PRKN: variants seen among roughly 807,000 people sequenced by gnomAD.
The protein encoded by PRKN is E3 ubiquitin-protein ligase parkin.
PRKN carries 56 observed loss-of-function variants against 59.5 expected under a neutral mutation model. The ratio of observed to expected loss-of-function variants is 0.94; its 90% CI spans 0.76 to 1.18. The LOEUF is 1.18. Ranked by LOEUF, PRKN falls within the 50% of genes most tolerant of loss-of-function variation. The pLI is 0.00. For missense variants in PRKN, 657 were observed against 596.4 expected, an observed-to-expected ratio of 1.10 and a Z score of -1.06; for synonymous variants, 250 against 222.1, an observed-to-expected ratio of 1.13 and a Z score of -1.12.
At chr6:161,418,029 C>A (rs113777089) in intron 9 of PRKN, among the ~76,000 whole-genome samples, 1 of 152,198 alleles carries the variant, frequency 6.6e-6, no homozygotes, top group Non-Finnish European at 1.5e-5. Flanking sequence ...AGTATCACAG[C>A]GCAGGGCTCT....
At chr6:161,998,866 G>A (rs1025783963) in intron 5 of PRKN, among the ~76,000 whole-genome samples, 1 of 152,076 alleles carries the variant, frequency 6.6e-6, no homozygotes, top group African/African-American at 2.4e-5. Flanking sequence ...TCATACTGTG[G>A]AAATAAGTAA....
chr6:162,445,931 T>C (rs905947388), intron 1 of PRKN, among the ~76,000 whole-genome samples: 2 of 151,882 alleles, frequency 1.3e-5, no homozygotes, highest in African/African-American at 4.8e-5. Context: ...GTGGTCCAGA[T>C]GGCACCACAA....
chr6:161,570,146 A>AAAAAAATAT (rs869285771), intron 7 of PRKN, among the ~76,000 whole-genome samples: 25 of 76,572 alleles, frequency 3.3e-4, no homozygotes, highest in African/African-American at 1.6e-3. Context: ...AAAAAAAAAA[A>AAAAAAATAT]ATATATATAT....
chr6:162,276,645 C>A (rs1051691761), intron 2 of PRKN, among the ~76,000 whole-genome samples: 1 of 151,772 alleles, frequency 6.6e-6, no homozygotes, highest in Non-Finnish European at 1.5e-5. Context: ...TATTCACTAT[C>A]TTTTTGTTTG....
intron 7 of PRKN, among the ~76,000 whole-genome samples, chr6:161,632,291 G>A (rs1783343905): frequency 6.6e-6 from 1 of 152,098 alleles, no homozygotes; most frequent in Admixed American, 6.5e-5. Context: ...TTAATTGCAA[G>A]GGTTATTCTA....
chr6:162,223,180 ACATGAACT>A (rs1778011307), intron 3 of PRKN, among the ~76,000 whole-genome samples: 1 of 152,054 alleles, frequency 6.6e-6, no homozygotes, highest in Non-Finnish European at 1.5e-5. Flanking sequence ...CCTACAAAGG[ACATGAACT>A]CATCATTTTT....
At chr6:161,427,356 C>T (rs1788418336) in intron 9 of PRKN, among the ~76,000 whole-genome samples, 1 of 152,124 alleles carries the variant, frequency 6.6e-6, no homozygotes, top group Admixed American at 6.5e-5. Context: ...GCCACCCTAA[C>T]TGGTAGGTAC....
chr6:162,169,052 A>G (rs188894838), intron 4 of PRKN, among the ~76,000 whole-genome samples: 11 of 152,294 alleles, frequency 7.2e-5, no homozygotes, highest in Admixed American at 2.6e-4. Flanking sequence ...CAAACACTCA[A>G]GTGTCCAAAC....
At chr6:161,424,901 A>T (rs1486118961) in intron 9 of PRKN, among the ~76,000 whole-genome samples, 1 of 152,156 alleles carries the variant, frequency 6.6e-6, no homozygotes, top group African/African-American at 2.4e-5. Context: ...ACGATGTGGG[A>T]AGAACTTCCT....
intron 1 of PRKN, among the ~76,000 whole-genome samples, chr6:162,466,376 C>T (rs1791415890): frequency 6.6e-6 from 1 of 152,054 alleles, no homozygotes; most frequent in African/African-American, 2.4e-5. Context: ...ATATTATTAA[C>T]TTTGAATAGA....
chr6:161,900,232 T>G (rs1300725959), intron 6 of PRKN, among the ~76,000 whole-genome samples: 1 of 151,326 alleles, frequency 6.6e-6, no homozygotes, highest in Non-Finnish European at 1.5e-5. Flanking sequence ...CTGGAACTGA[T>G]AGCATGTAAA....
At chr6:161,614,784 C>A (rs1260453742) in intron 7 of PRKN, among the ~76,000 whole-genome samples, 4 of 152,298 alleles carry the variant, frequency 2.6e-5, no homozygotes, top group Admixed American at 1.3e-4. Context: ...CAAACAAAAT[C>A]TTCGCTTAAT....
intron 4 of PRKN, among the ~76,000 whole-genome samples, chr6:162,089,152 AT>A (rs1223713064): frequency 3.3e-5 from 5 of 152,206 alleles, no homozygotes; most frequent in Admixed American, 3.3e-4. Context: ...CACATATGTC[AT>A]AAAAAACCTC....
Position 161,414,091 on chromosome 6 carries a change from G to C in PRKN, c.1084-27214C>G, listed in dbSNP as rs1413599420. Among the ~76,000 whole-genome samples, 1 of 152,138 alleles carries C rather than the reference G, an allele frequency of 6.6e-6. No homozygotes were observed. Among genetic ancestry groups the C allele is most frequent in the Non-Finnish European group, 1.5e-5 (1 of 68,040 alleles). The stretch of plus-strand genomic sequence containing the variant: ...GAGGGTCAGTGAGGGCAGGGTACTG[G>C]TGTCATTTTAATTCAGACTTCTCTC... On this transcript the variant is annotated intron_variant, in intron 9 of 11. Coordinates refer to ENST00000366898, the MANE Select transcript of PRKN (RefSeq NM_004562.3). This position sits in a 1 kb window ranked among gnomAD's most constrained non-coding sequence, Gnocchi z 5.3.
intron 9 of PRKN, among the ~76,000 whole-genome samples, chr6:161,427,275 C>T (rs1443432205): frequency 3.3e-5 from 5 of 152,176 alleles, no homozygotes; most frequent in African/African-American, 4.8e-5. Flanking sequence ...TCCCAAAATG[C>T]TGGGATATTA....
At chr6:161,979,798 A>T (rs1022839694) in intron 5 of PRKN, among the ~76,000 whole-genome samples, 1 of 152,152 alleles carries the variant, frequency 6.6e-6, no homozygotes, top group African/African-American at 2.4e-5. Context: ...ACCAGGGGAG[A>T]AGAGCAGGAA....
chr6:162,493,295 G>A (rs1006868131), intron 1 of PRKN, among the ~76,000 whole-genome samples: 4 of 152,170 alleles, frequency 2.6e-5, no homozygotes, highest in Non-Finnish European at 4.4e-5. Context: ...CTTCCTGAAG[G>A]CCAAAGGTTG....
At chr6:162,459,970 C>T (rs1350357838) in intron 1 of PRKN, among the ~76,000 whole-genome samples, 2 of 152,176 alleles carry the variant, frequency 1.3e-5, no homozygotes, top group Non-Finnish European at 2.9e-5. Flanking sequence ...CCCTCAAATG[C>T]TCAAACCTAG....
rs753940584 is a variant in PRKN at position 161,785,803 on chromosome 6, G to A, written c.840C>T (p.Asp280=). Residue 280 remains aspartate, a synonymous_variant, in exon 7 of 12, where the codon GAC becomes GAT. Coordinates refer to ENST00000366898, the MANE Select transcript of PRKN (RefSeq NM_004562.3). Reference sequence around the variant, plus strand: ...AAGGCAGGGAGTAGCCAAGTTGAGGGTCGTGAACAAACTGCCGATCATTGA... The same window carrying A: ...AAGGCAGGGAGTAGCCAAGTTGAGGATCGTGAACAAACTGCCGATCATTGA... ...TRLNDRQFVH[D]PQLGYSLPCV... is the part of the protein sequence containing the mutation. 9 of 1,614,066 alleles carry A rather than the reference G, an allele frequency of 5.6e-6. No individual in the cohort carries two copies. In the South Asian group the frequency reaches 8.8e-5, roughly 16 times the overall value.
Sources: gnomAD v4.1 joint callset for allele counts (sites outside exome capture counted in the v4.1 genomes callset) on GRCh38, gnomAD v4.1.1 for gene constraint, Gnocchi (gnomAD v3.1) non-coding constraint, MANE v1.5 for transcripts, NCBI Gene and HGNC (gene_info 2026-07-23, HGNC 2026-07-21) for gene names.